JAKMIP3: variants seen among roughly 807,000 people sequenced by gnomAD.
JAKMIP3 encodes janus kinase and microtubule-interacting protein 3.
A neutral mutation model predicts 118.5 loss-of-function variants in JAKMIP3; 58 were observed. The ratio of observed to expected loss-of-function variants is 0.49; its 90% confidence interval spans 0.40 to 0.61. The LOEUF is 0.61. Among genes scored for constraint, JAKMIP3 ranks in the 20% least tolerant of loss-of-function variants. The probability of loss-of-function intolerance (pLI) is 0.00; values close to 1 mark genes in which losing one functional copy is unlikely to be tolerated. For synonymous variants in JAKMIP3, 486 were observed against 451.2 expected (o/e 1.08, Z -0.98); for missense variants, 950 against 1,109.0 (o/e 0.86, Z 2.04).
intron 2 of JAKMIP3, among the ~76,000 whole-genome samples, chr10:132,116,132 G>A (rs1307085752): frequency 6.6e-6 from 1 of 152,236 alleles, no homozygotes; most frequent in African/African-American, 2.4e-5. Flanking sequence ...GTTTCAAACA[G>A]TAACAACACA....
intron 4 of JAKMIP3, among the ~76,000 whole-genome samples, chr10:132,134,426 G>A (rs2135728784): frequency 6.6e-6 from 1 of 152,234 alleles, no homozygotes; most frequent in East Asian, 1.9e-4. Flanking sequence ...GTAGACTACA[G>A]CATTCACTCC....
In JAKMIP3 at chr10:132,083,959, A is replaced by G. The variant is rs1235017834; in HGVS notation, c.-138+17898A>G. ...TGGCCTTATAGTATAGTTTGAAATC[A>G]GGTAATGTGATTCTTCCAGATTTGT... On this transcript the variant is annotated intron_variant, in intron 1 of 23. Coordinates refer to ENST00000684848, the MANE Select transcript of JAKMIP3 (RefSeq NM_001323087.2). Among the ~76,000 whole-genome samples, 4 of 152,164 alleles carry G rather than the reference A, an allele frequency of 2.6e-5. No individual in the cohort carries two copies. In the East Asian group the frequency reaches 7.7e-4, roughly 29 times the overall value.
chr10:132,079,095 G>A (rs1326122756), intron 1 of JAKMIP3, among the ~76,000 whole-genome samples: 1 of 152,204 alleles, frequency 6.6e-6, no homozygotes, highest in Non-Finnish European at 1.5e-5. Flanking sequence ...GCCAGCTGCC[G>A]AGGCCTGGGC....
chr10:132,180,566 TGC>T lies in JAKMIP3; in HGVS notation c.*1104-1789_*1104-1788del, dbSNP rs1359194010. Reference sequence around the variant, plus strand: ...GTGTGCGTGCGTGCATGCGTGTGTGTGCGTGTGTGTGTGCGTGCGCGTGTGTG... The same window carrying T: ...GTGTGCGTGCGTGCATGCGTGTGTGTGTGTGTGTGTGCGTGCGCGTGTGTG... On this transcript the variant is annotated intron_variant, in intron 23 of 23. Coordinates refer to ENST00000684848, the MANE Select transcript of JAKMIP3 (RefSeq NM_001323087.2). Among the ~76,000 whole-genome samples, 126 of 31,698 alleles carry T rather than the reference TGC, an allele frequency of 4.0e-3. 28 individuals are homozygous for T. Among genetic ancestry groups the T allele is most frequent in the African/African-American group, 0.014 (89 of 6,138 alleles). The allele number at this position is 31,698 out of a possible 152,430, so 20.8% of individuals were successfully genotyped here. A position where few individuals can be genotyped will look rare whatever the true frequency, so the allele number is the denominator to read the frequency against.
At position 132,136,485 on chromosome 10, in the gene JAKMIP3, G is replaced by A. The variant is rs61864410; in HGVS notation, c.1116+409G>A. ...GTCGGGGGCAGGGAGTCTCTGCTCC[G>A]CCAAGGCCATGAGCCAGGAGTGGGG... On this transcript the variant is annotated intron_variant, in intron 6 of 23. Transcript: ENST00000684848. 1.8e-3 allele frequency among the ~76,000 whole-genome samples: 270 copies of A among 152,176 alleles called. 4 individuals are homozygous for A. In the South Asian group the frequency reaches 0.022, roughly 13 times the overall value.
chr10:132,145,661 G>T, intron 13 of JAKMIP3, 81 bp downstream of exon 13: 1 of 1,203,634 alleles, frequency 8.3e-7, no homozygotes, highest in South Asian at 1.3e-5. Flanking sequence ...GGGGCTGAAG[G>T]ATGGAGCGAG....
rs1476006138 is a variant in JAKMIP3 at position 132,117,023 on chromosome 10, A to T, written c.136-54A>T. On this transcript the variant is annotated intron_variant, in intron 2 of 23. Coordinates refer to ENST00000684848, the MANE Select transcript of JAKMIP3 (RefSeq NM_001323087.2). This position sits in a 1 kb window ranked among gnomAD's most constrained non-coding sequence, Gnocchi z 8.6. ...TCCCCCAAATGCACATTCAGGTGTG[A>T]GTGTGTGCATGGCTGGAGCTCCTGC... The T allele has an allele frequency of 6.4e-7, 1 of 1,551,310 alleles. No individual in the cohort carries two copies. The highest frequency in any genetic ancestry group is 1.4e-5 in the African/African-American group (1 of 73,526).
At chr10:132,144,125 A>G (rs948606368) in intron 11 of JAKMIP3, 3 of 146,706 alleles carry the variant, frequency 2.0e-5, no homozygotes, top group African/African-American at 7.7e-5. Context: ...ATCCCCAGAG[A>G]GAGCAGGAGC....
At chr10:132,150,302 T>G (rs2055841190) in intron 16 of JAKMIP3, among the ~76,000 whole-genome samples, 1 of 152,110 alleles carries the variant, frequency 6.6e-6, no homozygotes, top group Non-Finnish European at 1.5e-5. Flanking sequence ...CTGGGATCTC[T>G]CAGCCCTTCC....
intron 2 of JAKMIP3, among the ~76,000 whole-genome samples, chr10:132,107,525 G>A (rs2046096876): frequency 1.3e-5 from 2 of 152,336 alleles, no homozygotes; most frequent in East Asian, 1.9e-4. Flanking sequence ...GGAAAGGAAT[G>A]GAGAAGAAGC....
At chr10:132,109,812 C>T (rs911139285) in intron 2 of JAKMIP3, among the ~76,000 whole-genome samples, 2 of 152,254 alleles carry the variant, frequency 1.3e-5, no homozygotes, top group Non-Finnish European at 2.9e-5. Context: ...CTCCGCAGCT[C>T]ACACAGCATC....
intron 23 of JAKMIP3, among the ~76,000 whole-genome samples, chr10:132,174,372 T>G (rs1461536357): frequency 1.3e-5 from 2 of 152,140 alleles, no homozygotes; most frequent in Non-Finnish European, 1.5e-5. Context: ...CCTTGTGCTG[T>G]GTGGCTCTGT....
At chr10:132,043,352 G>A (rs952583811) in intron 1 of JAKMIP3, among the ~76,000 whole-genome samples, 5 of 152,056 alleles carry the variant, frequency 3.3e-5, no homozygotes, top group African/African-American at 1.2e-4. Flanking sequence ...TTACAGGCAT[G>A]AGCCACTGCA....
chr10:132,152,896 A>G (rs938064367), intron 16 of JAKMIP3, 62 bp from the exon 17 acceptor site: 48 of 1,343,222 alleles, frequency 3.6e-5, no homozygotes, highest in Non-Finnish European at 4.6e-5. Flanking sequence ...TGCATCCATC[A>G]CTCACCCTCA....
chr10:132,151,312 T>C (rs142319112), intron 16 of JAKMIP3, among the ~76,000 whole-genome samples: 2 of 152,326 alleles, frequency 1.3e-5, no homozygotes, highest in Admixed American at 6.5e-5. Flanking sequence ...TCCATCCATC[T>C]ATCCATCCCT....
chr10:132,142,509 G>A (rs547829542), intron 11 of JAKMIP3, among the ~76,000 whole-genome samples: 71 of 151,866 alleles, frequency 4.7e-4, no homozygotes, highest in African/African-American at 1.4e-3. Flanking sequence ...CCTCTCCCCC[G>A]GCCTCCCCAC....
chr10:132,094,031 A>G (rs915894124), intron 1 of JAKMIP3, among the ~76,000 whole-genome samples: 2 of 144,190 alleles, frequency 1.4e-5, no homozygotes, highest in African/African-American at 5.2e-5. Context: ...TCTGCCTCCC[A>G]GGTTCAAGCA....
intron 1 of JAKMIP3, among the ~76,000 whole-genome samples, chr10:132,073,736 A>G (rs1199549145): frequency 6.6e-6 from 1 of 151,950 alleles, no homozygotes; most frequent in African/African-American, 2.4e-5. Flanking sequence ...GGGCTCAAGC[A>G]GTCCACTTGC....
intron 22 of JAKMIP3, 97 bp from the exon 23 acceptor site, chr10:132,167,856 A>ACCTCTCG (rs1296924184): frequency 3.0e-6 from 1 of 338,412 alleles, no homozygotes; most frequent in Non-Finnish European, 4.5e-6. Flanking sequence ...CTCGCCCCTC[A>ACCTCTCG]CCCCTCGGCC....
Sources: allele counts gnomAD v4.1 joint callset (sites outside exome capture counted in the v4.1 genomes callset), GRCh38; gene constraint gnomAD v4.1.1; non-coding constraint Gnocchi (gnomAD v3.1); transcripts MANE v1.5; gene names NCBI Gene and HGNC (gene_info 2026-07-23, HGNC 2026-07-21).